LACTBL1: variants seen among roughly 807,000 people sequenced by gnomAD.
LACTBL1 encodes lactamase beta like 1, also known as beta-lactamase-like protein 1.
Under a neutral mutation model 39.6 loss-of-function variants are expected in LACTBL1, and 29 were observed. The ratio of observed to expected loss-of-function variants is 0.73; its 90% confidence interval spans 0.55 to 1.00. The LOEUF (loss-of-function observed/expected upper bound fraction) is 1.00, where lower values mean the gene tolerates loss of function less well. LACTBL1 is among the 50% of genes least tolerant of loss of function. LACTBL1 has a pLI of 0.00. For synonymous variants in LACTBL1, 361 were observed against 360.7 expected (o/e 1.00, Z -0.01); for missense variants, 711 against 748.5 (o/e 0.95, Z 0.59).
intron 4 of LACTBL1, among the ~76,000 whole-genome samples, chr1:22,957,204 A>G (rs959478764): frequency 2.0e-5 from 3 of 151,976 alleles, no homozygotes; most frequent in African/African-American, 7.2e-5. Flanking sequence ...TCCTTTTTTT[A>G]GGTCTATACA....
upstream of LACTBL1, among the ~76,000 whole-genome samples, chr1:22,968,781 G>A (rs1000602841): frequency 2.6e-5 from 4 of 152,122 alleles, no homozygotes; most frequent in East Asian, 1.9e-4. Flanking sequence ...AAATGGGGAC[G>A]ATAATAGTGC....
exon 6 of LACTBL1, chr1:22,953,341 G>T (rs1640724391): frequency 2.4e-6 from 3 of 1,229,250 alleles, no homozygotes; most frequent in Non-Finnish European, 3.0e-6. Context: ...CAGCTCGCCC[G>T]CCGGCCCGGC....
At chr1:22,965,833 A>C (rs1282181384), upstream of LACTBL1, among the ~76,000 whole-genome samples, 1 of 152,214 alleles carries the variant, frequency 6.6e-6, no homozygotes, top group Non-Finnish European at 1.5e-5. Context: ...GGGAGGCCTC[A>C]GAAAACTTGC....
chr1:22,957,943 C>A (rs191474992), intron 4 of LACTBL1, among the ~76,000 whole-genome samples: 1 of 152,084 alleles, frequency 6.6e-6, no homozygotes, highest in Non-Finnish European at 1.5e-5. Context: ...TGAGCCACCA[C>A]GCCCAGCCCT....
At position 22,960,061 on chromosome 1, in the gene LACTBL1, G is replaced by A. The variant is rs760518535; in HGVS notation, c.198C>T (p.Gly66=). The change falls in exon 3 of 6, where the codon GGC becomes GGT. Residue 66 remains glycine (G), a synonymous_variant. Transcript: ENST00000426928. ...TGACAACTGCAGACATGGCAGCCAC[G>A]CCTGGGGCAGACATTGCCTGGCGCA... The A allele has an allele frequency of 8.4e-6, 13 of 1,550,670 alleles. No homozygotes were observed. In the Middle Eastern group the frequency reaches 5.0e-4, roughly 60 times the overall value.
chr1:22,972,800 G>A, the LACTBL1 span: 2 of 894,212 alleles, frequency 2.2e-6, no homozygotes, highest in Non-Finnish European at 2.7e-6. Context: ...GCAAGAACAG[G>A]GCAGTTAGGG....
exon 6 of LACTBL1, chr1:22,953,424 C>T (rs1158904704): frequency 1.6e-6 from 2 of 1,227,410 alleles, no homozygotes; most frequent in African/African-American, 1.6e-5. Flanking sequence ...GCGGCGGAGC[C>T]GGGCCGGGCT....
intron 4 of LACTBL1, among the ~76,000 whole-genome samples, chr1:22,956,983 C>A (rs1334636811): frequency 6.6e-6 from 1 of 151,990 alleles, no homozygotes; most frequent in Non-Finnish European, 1.5e-5. Context: ...AGCTCCCTTC[C>A]AAAGATATTT....
At chr1:22,955,321 C>T (rs1258198249) in exon 5 of LACTBL1, 1 of 1,550,264 alleles carries the variant, frequency 6.5e-7, no homozygotes, top group South Asian at 1.2e-5. Flanking sequence ...TGCTCCTCAC[C>T]TGGTTCCCGG....
the LACTBL1 span, among the ~76,000 whole-genome samples, chr1:22,970,790 A>G: frequency 6.7e-6 from 1 of 149,080 alleles, no homozygotes; most frequent in South Asian, 2.2e-4. Flanking sequence ...AGCCTGGGCA[A>G]CAGCGCAAGA....
At chr1:22,959,902 C>T (rs1468190886) in intron 3 of LACTBL1, 40 bp downstream of exon 5, 1 of 1,549,622 alleles carries the variant, frequency 6.5e-7, no homozygotes, top group African/African-American at 1.4e-5. Context: ...CCCTCCCATC[C>T]CTTACCCCTC....
chr1:22,959,014 G>T, intron 3 of LACTBL1, 94 bp from the exon 6 acceptor site: 1 of 745,180 alleles, frequency 1.3e-6, no homozygotes, highest in Non-Finnish European at 2.2e-6. Context: ...TAGTGTTCTA[G>T]AAAAGCACTG....
chr1:22,958,962 T>C (rs1211073878), intron 3 of LACTBL1, 42 bp from the exon 6 acceptor site: 3 of 1,399,110 alleles, frequency 2.1e-6, no homozygotes, highest in Admixed American at 2.1e-5. Context: ...GGGCATCCTG[T>C]TGGCCCCACA....
chr1:22,953,509 G>A, exon 6 of LACTBL1: 1 of 1,232,500 alleles, frequency 8.1e-7, no homozygotes, highest in East Asian at 3.2e-5. Flanking sequence ...GGGCCCGGGC[G>A]GCCGTGGCCC....
exon 6 of LACTBL1, chr1:22,953,428 C>G (rs1228222075): frequency 2.0e-5 from 24 of 1,227,382 alleles, no homozygotes; most frequent in Non-Finnish European, 2.4e-5. Context: ...CGGAGCCGGG[C>G]CGGGCTCGGC....
At chr1:22,972,140 GAT>G in the LACTBL1 span, among the ~76,000 whole-genome samples, 3 of 2,708 alleles carry the variant, frequency 1.1e-3, no homozygotes, top group Non-Finnish European at 3.4e-3. Context: ...AAGCTCTAGA[GAT>G]GATGATGATG....
At chr1:22,960,467 A>C (rs1246062251) in intron 2 of LACTBL1, among the ~76,000 whole-genome samples, 1 of 151,828 alleles carries the variant, frequency 6.6e-6, no homozygotes, top group Non-Finnish European at 1.5e-5. Context: ...AATACAAAAA[A>C]TTAGCTGGGC....
chr1:22,961,793 C>T (rs1018194307), intron 2 of LACTBL1, among the ~76,000 whole-genome samples: 1 of 152,188 alleles, frequency 6.6e-6, no homozygotes, highest in Admixed American at 6.5e-5. Flanking sequence ...GTCACCCTGG[C>T]TGGAGTGCAG....
chr1:22,956,627 C>G (rs1640764952), intron 4 of LACTBL1, among the ~76,000 whole-genome samples: 1 of 152,040 alleles, frequency 6.6e-6, no homozygotes, highest in South Asian at 2.1e-4. Context: ...CACAGCAAAA[C>G]CCAGCACCCC....
Sources: allele counts gnomAD v4.1 joint callset (sites outside exome capture counted in the v4.1 genomes callset), GRCh38; gene constraint gnomAD v4.1.1; transcripts MANE v1.5; gene names NCBI Gene and HGNC (gene_info 2026-07-23, HGNC 2026-07-21).